LPIN2: variants seen among roughly 807,000 people sequenced by gnomAD.
The protein encoded by LPIN2 is phosphatidate phosphatase LPIN2.
LPIN2 carries 55 observed loss-of-function variants against 111.4 expected under a neutral mutation model. The ratio of observed to expected loss-of-function variants is 0.49; its 90% CI spans 0.40 to 0.62. The LOEUF (loss-of-function observed/expected upper bound fraction) is 0.62. Ranked by LOEUF, LPIN2 falls within the 20% of genes least tolerant of loss-of-function variation. The pLI is 0.00. For synonymous variants in LPIN2, 425 were observed against 414.0 expected (o/e 1.03, Z -0.32); for missense variants, 992 against 1,112.1 (o/e 0.89, Z 1.54).
chr18:2,994,651 C>A (rs766705572), intron 1 of LPIN2, among the ~76,000 whole-genome samples: 3 of 152,156 alleles, frequency 2.0e-5, no homozygotes, highest in Non-Finnish European at 2.9e-5. Context: ...GTTTTCTCAG[C>A]CTATTGACAT....
rs768515839 is a variant in LPIN2, at chr18:2,944,333, C to CT, written c.591-3622dup. Among the ~76,000 whole-genome samples the CT allele has an allele frequency of 4.1e-3, 208 of 51,344 alleles. 54 individuals carry two copies. In the Middle Eastern group the frequency reaches 0.095, roughly 24 times the overall value. 33.7% of individuals were successfully genotyped at this position (51,344 alleles called of 152,430 possible). A position where few individuals can be genotyped will look rare whatever the true frequency, so the allele number is the denominator to read the frequency against. ...TGATATCCTAATGTATTTCCACAAA[C>CT]TTTTTTTTTTTTTTTTTTTTTTTTT... On this transcript the variant is annotated intron_variant, in intron 4 of 19. Transcript: ENST00000677752.
intron 2 of LPIN2, among the ~76,000 whole-genome samples, chr18:2,955,023 G>A (rs996419966): frequency 3.3e-5 from 5 of 152,112 alleles, no homozygotes; most frequent in Non-Finnish European, 7.3e-5. Flanking sequence ...TTCACCGACA[G>A]CTCTTCTGCC....
Position 2,957,063 on chromosome 18 carries a change from CCCT to C in LPIN2, c.193-2467_193-2465del, listed in dbSNP as rs60009006. On this transcript the variant is annotated intron_variant, in intron 2 of 19. Transcript: ENST00000677752. ...CTAGTAAAACAGTTTTAAAAATAAC[CCCT>C]CATTTCCATATAGTCTTACTTCTTA... is the stretch of plus-strand genomic sequence containing the variant. Among the ~76,000 whole-genome samples the C allele has an allele frequency of 2.4e-3, 370 of 152,216 alleles. 1 individual carries two copies. Among genetic ancestry groups the C allele is most frequent in the African/African-American group, 8.5e-3 (352 of 41,526 alleles).
intron 1 of LPIN2, among the ~76,000 whole-genome samples, chr18:2,979,591 G>C (rs1200249331): frequency 2.0e-5 from 3 of 152,138 alleles, no homozygotes; most frequent in Non-Finnish European, 4.4e-5. Context: ...CAGTGTGTGT[G>C]GAGGCAGTCT....
intron 9 of LPIN2, among the ~76,000 whole-genome samples, chr18:2,929,582 T>C (rs1254693356): frequency 6.6e-6 from 1 of 152,216 alleles, no homozygotes; most frequent in Non-Finnish European, 1.5e-5. Context: ...CTTACAGCTT[T>C]AGCAAGCTAC....
intron 1 of LPIN2, among the ~76,000 whole-genome samples, chr18:3,009,821 A>G (rs1296293719): frequency 6.6e-6 from 1 of 152,262 alleles, no homozygotes; most frequent in Non-Finnish European, 1.5e-5. Context: ...AGGCTTTAGC[A>G]GAAAAAGACT....
intron 1 of LPIN2, chr18:2,985,560 G>C (rs2078175969): frequency 6.6e-6 from 1 of 151,858 alleles, no homozygotes; most frequent in Admixed American, 6.6e-5. Flanking sequence ...AGGAAAAACA[G>C]AATCCTGTTC....
intron 1 of LPIN2, among the ~76,000 whole-genome samples, chr18:3,012,625 G>C (rs1428125389): frequency 6.6e-6 from 1 of 152,224 alleles, no homozygotes; most frequent in Non-Finnish European, 1.5e-5. Context: ...CAGATCACGT[G>C]CCCGGCGCCC....
intron 4 of LPIN2, among the ~76,000 whole-genome samples, chr18:2,948,556 A>G (rs2143080728): frequency 6.6e-6 from 1 of 152,344 alleles, no homozygotes; most frequent in East Asian, 1.9e-4. Flanking sequence ...TTGCTCTATT[A>G]TGTCTGACAA....
rs771819283 is a variant in LPIN2, at chr18:2,951,099, A to G, written c.546T>C (p.Asp182=). ...AASAAAEDTC[D]VGVSSDDDKG... ...TGTCATCATCGGAGCTCACGCCTACATCACATGTGTCTTCTGCAGCAGCAG... is the reference window on the plus strand; with the variant it reads ...TGTCATCATCGGAGCTCACGCCTACGTCACATGTGTCTTCTGCAGCAGCAG... Residue 182 remains aspartate, a synonymous_variant, in exon 4 of 20, where the codon GAT becomes GAC. Coordinates refer to ENST00000677752, the MANE Select transcript of LPIN2 (RefSeq NM_001375808.2). 2 of 1,614,164 alleles carry G rather than the reference A, an allele frequency of 1.2e-6. No individual in the cohort carries two copies. The highest frequency in any genetic ancestry group is 1.7e-6 in the Non-Finnish European group (2 of 1,180,030).
intron 1 of LPIN2, among the ~76,000 whole-genome samples, chr18:2,973,334 C>CA (rs2077954598): frequency 1.3e-5 from 2 of 152,204 alleles, no homozygotes; most frequent in South Asian, 4.1e-4. Flanking sequence ...CCAAAATGCC[C>CA]AAACCCATCT....
chr18:3,000,292 G>GA (rs1031869318), intron 1 of LPIN2, among the ~76,000 whole-genome samples: 1 of 151,866 alleles, frequency 6.6e-6, no homozygotes, highest in African/African-American at 2.4e-5. Flanking sequence ...AACAGGAGAG[G>GA]AAAAAAAGGT....
chr18:2,981,820 T>C (rs978897327), intron 1 of LPIN2, among the ~76,000 whole-genome samples: 2 of 150,420 alleles, frequency 1.3e-5, no homozygotes, highest in African/African-American at 2.5e-5. Flanking sequence ...ATAATAAACA[T>C]TTGTATAACC....
intron 1 of LPIN2, among the ~76,000 whole-genome samples, chr18:2,975,558 T>A (rs965909656): frequency 6.6e-6 from 1 of 152,182 alleles, no homozygotes; most frequent in African/African-American, 2.4e-5. Flanking sequence ...GGTCTCGAAC[T>A]CCTCACCTCA....
chr18:2,949,762 AT>A (rs1280884421), intron 4 of LPIN2, among the ~76,000 whole-genome samples: 1 of 152,240 alleles, frequency 6.6e-6, no homozygotes, highest in Non-Finnish European at 1.5e-5. Flanking sequence ...ATACTATGTT[AT>A]TCATTAATGC....
At chr18:2,928,503 C>T in intron 11 of LPIN2, 88 bp downstream of exon 11, 2 of 1,241,294 alleles carry the variant, frequency 1.6e-6, no homozygotes, top group Non-Finnish European at 2.4e-6. Flanking sequence ...GAATAGTACC[C>T]AGTTCAGAAA....
intron 1 of LPIN2, among the ~76,000 whole-genome samples, chr18:2,998,529 A>C (rs535827905): frequency 6.6e-6 from 1 of 152,256 alleles, no homozygotes; most frequent in South Asian, 2.1e-4. Flanking sequence ...GGGGAGGGAG[A>C]AAACAACAAC....
intron 1 of LPIN2, among the ~76,000 whole-genome samples, chr18:2,973,384 C>G (rs1288805360): frequency 6.6e-6 from 1 of 152,210 alleles, no homozygotes; most frequent in Non-Finnish European, 1.5e-5. Flanking sequence ...AATCACTGAT[C>G]TGCTTTCTGT....
At chr18:2,951,399 G>A (rs755990044) in intron 3 of LPIN2, 43 bp from the exon 4 acceptor site, 32 of 1,493,400 alleles carry the variant, frequency 2.1e-5, no homozygotes, top group African/African-American at 2.8e-5. Context: ...TGACAAACTC[G>A]ACAGTGAATT....
Sources: gnomAD v4.1 joint callset for allele counts (sites outside exome capture counted in the v4.1 genomes callset) on GRCh38, gnomAD v4.1.1 for gene constraint, MANE v1.5 for transcripts, NCBI Gene and HGNC (gene_info 2026-07-23, HGNC 2026-07-21) for gene names.